The following STARD13 variants were observed in gnomAD, a reference collection of about 807,000 sequenced individuals.
The protein encoded by STARD13 is stAR-related lipid transfer protein 13.
STARD13 carries 62 observed loss-of-function variants against 106.4 expected under a neutral mutation model. The ratio of observed to expected loss-of-function variants is 0.58; its 90% confidence interval spans 0.48 to 0.72. The LOEUF (loss-of-function observed/expected upper bound fraction) is 0.72. STARD13 is among the 30% of genes least tolerant of loss of function. The probability of loss-of-function intolerance (pLI) is 0.00; values close to 1 mark genes in which losing one functional copy is unlikely to be tolerated. For missense variants in STARD13, 1,387 were observed against 1,424.0 expected, an observed-to-expected ratio of 0.97 and a Z score of 0.42; for synonymous variants, 565 against 553.0, an observed-to-expected ratio of 1.02 and a Z score of -0.31.
chr13:33,118,237 C>T lies in STARD13; in HGVS notation c.2109G>A (p.Val703=). The T allele has an allele frequency of 6.2e-7, 1 of 1,614,178 alleles. No individual in the cohort carries two copies. Among genetic ancestry groups the T allele is most frequent in the East Asian group, 2.2e-5 (1 of 44,886 alleles). ...DQVGLFRKSG[V]KSRIHALRQM... is the part of the protein sequence containing the mutation. ...GGCGAAGGGCATGGATTCGAGACTT[C>T]ACTCCTGATTTGCGAAAAAGACCCA... The change falls in exon 8 of 14, where the codon GTG becomes GTA. Residue 703 remains valine, a synonymous_variant. Transcript: ENST00000336934.
the STARD13 span, among the ~76,000 whole-genome samples, chr13:33,572,820 C>T: frequency 1.5e-4 from 23 of 152,186 alleles, no homozygotes; most frequent in African/African-American, 4.6e-4. Context: ...TATTAGGTAT[C>T]ATAAATAACC....
the STARD13 span, among the ~76,000 whole-genome samples, chr13:33,592,098 G>A: frequency 6.6e-6 from 1 of 152,036 alleles, no homozygotes; most frequent in African/African-American, 2.4e-5. Flanking sequence ...GCTGAAGTGG[G>A]TATTTTTCTT....
At chr13:33,643,696 C>T in the STARD13 span, among the ~76,000 whole-genome samples, 3 of 152,274 alleles carry the variant, frequency 2.0e-5, no homozygotes, top group African/African-American at 7.2e-5. Flanking sequence ...TGCCATGGGG[C>T]AGGCATCCTC....
At chr13:33,424,054 T>G in the STARD13 span, among the ~76,000 whole-genome samples, 1 of 152,108 alleles carries the variant, frequency 6.6e-6, no homozygotes, top group Admixed American at 6.5e-5. Flanking sequence ...GTAACAAACC[T>G]GCATGTTGTG....
chr13:33,401,364 C>A, the STARD13 span, among the ~76,000 whole-genome samples: 1 of 152,154 alleles, frequency 6.6e-6, no homozygotes, highest in African/African-American at 2.4e-5. Context: ...ACTATTGGCC[C>A]CAGCTGCCAC....
chr13:33,402,321 C>G, the STARD13 span, among the ~76,000 whole-genome samples: 1 of 152,196 alleles, frequency 6.6e-6, no homozygotes, highest in Admixed American at 6.5e-5. Context: ...TGTAGTTCTT[C>G]TGTTCTTGAT....
the STARD13 span, among the ~76,000 whole-genome samples, chr13:33,397,836 C>A: frequency 6.6e-6 from 1 of 152,128 alleles, no homozygotes; most frequent in African/African-American, 2.4e-5. Context: ...CAGTGACTGA[C>A]CCACTTCCTC....
the STARD13 span, among the ~76,000 whole-genome samples, chr13:33,392,422 CAG>C: frequency 6.6e-6 from 1 of 152,044 alleles, no homozygotes; most frequent in Non-Finnish European, 1.5e-5. Context: ...TTTTTTGAAA[CAG>C]AGTCTCACTC....
In STARD13 at chr13:33,110,921, T is replaced by C. The variant is rs904847106; in HGVS notation, c.2608-14A>G. On this transcript the variant is annotated splice_polypyrimidine_tract_variant and intron_variant, in intron 10 of 13. Coordinates refer to ENST00000336934, the MANE Select transcript of STARD13 (RefSeq NM_178006.4). ...CTCGTGTGGAACCTAGACCAACGGA[T>C]GCATGAAAGGGCAACACACTGAGCC... The C allele has an allele frequency of 6.2e-7, 1 of 1,606,848 alleles. No homozygotes were observed. Among genetic ancestry groups the C allele is most frequent in the Non-Finnish European group, 8.5e-7 (1 of 1,174,998 alleles).
intron 1 of STARD13, chr13:33,336,500 T>C (rs181892571): frequency 5.9e-5 from 9 of 152,260 alleles, no homozygotes; most frequent in Admixed American, 4.6e-4. Context: ...ACACCTGTAA[T>C]CTCAACATTT....
At chr13:33,360,093 C>G in the STARD13 span, among the ~76,000 whole-genome samples, 1 of 152,212 alleles carries the variant, frequency 6.6e-6, no homozygotes, top group African/African-American at 2.4e-5. Flanking sequence ...TTATCAGTAA[C>G]AGAACTCTTA....
chr13:33,447,136 C>A, the STARD13 span, among the ~76,000 whole-genome samples: 2 of 152,156 alleles, frequency 1.3e-5, no homozygotes, highest in Non-Finnish European at 2.9e-5. Context: ...TTAATAGATT[C>A]ATTCTAAAAC....
chr13:33,450,229 A>G, the STARD13 span, among the ~76,000 whole-genome samples: 2 of 152,132 alleles, frequency 1.3e-5, no homozygotes, highest in Non-Finnish European at 2.9e-5. Flanking sequence ...TTTGTTATGT[A>G]TGGCCTTTAT....
chr13:33,644,065 G>T, the STARD13 span, among the ~76,000 whole-genome samples: 9 of 152,210 alleles, frequency 5.9e-5, no homozygotes, highest in Non-Finnish European at 8.8e-5. Context: ...TTCCCAATTG[G>T]CAACCTTTTA....
At chr13:33,543,053 G>A in the STARD13 span, among the ~76,000 whole-genome samples, 3 of 152,348 alleles carry the variant, frequency 2.0e-5, no homozygotes, top group South Asian at 6.2e-4. Flanking sequence ...AGCGGAAACT[G>A]TTCTTTCTCT....
chr13:33,672,596 AC>A, the STARD13 span, among the ~76,000 whole-genome samples: 1 of 152,218 alleles, frequency 6.6e-6, no homozygotes, highest in Non-Finnish European at 1.5e-5. Context: ...AGTTGTTCAA[AC>A]TTTTCACAAT....
chr13:33,155,032 T>C (rs890046214), intron 3 of STARD13, among the ~76,000 whole-genome samples: 8 of 152,198 alleles, frequency 5.3e-5, no homozygotes, highest in African/African-American at 1.9e-4. Context: ...CATCCACTCT[T>C]AGTCCTCTCC....
chr13:33,542,402 C>T, the STARD13 span, among the ~76,000 whole-genome samples: 6 of 152,274 alleles, frequency 3.9e-5, no homozygotes, highest in Non-Finnish European at 7.3e-5. Flanking sequence ...ACCTGACTCA[C>T]AGCCAGAAAC....
the STARD13 span, among the ~76,000 whole-genome samples, chr13:33,400,828 C>CA: frequency 2.0e-5 from 3 of 152,136 alleles, no homozygotes; most frequent in African/African-American, 7.2e-5. Flanking sequence ...TCAAGCTTTA[C>CA]ACTTAAAATG....
Sources: gnomAD v4.1 joint callset for allele counts (sites outside exome capture counted in the v4.1 genomes callset) on GRCh38, gnomAD v4.1.1 for gene constraint, MANE v1.5 for transcripts, NCBI Gene and HGNC (gene_info 2026-07-23, HGNC 2026-07-21) for gene names.